Variants in DNAI4 observed in about 807,000 individuals in gnomAD.
DNAI4 encodes WD repeat domain 78.
In DNAI4, 85 loss-of-function variants were observed where a neutral mutation model predicts 105.8. The observed-to-expected ratio is 0.80, with a 90% CI of 0.67 to 0.96. The LOEUF is 0.96. Ranked by LOEUF, DNAI4 falls within the 40% of genes least tolerant of loss-of-function variation. The pLI, the probability that DNAI4 is intolerant of heterozygous loss-of-function variation, is 0.00. For synonymous variants in DNAI4, 352 were observed against 331.5 expected (o/e 1.06, Z -0.67); for missense variants, 1,014 against 1,005.6 (o/e 1.01, Z -0.11).
intron 12 of DNAI4, 113 bp downstream of exon 12, chr1:66,833,878 C>T (rs1459411091): frequency 1.4e-6 from 2 of 1,406,690 alleles, no homozygotes; most frequent in South Asian, 1.5e-5. Flanking sequence ...CCATGACCAA[C>T]CCAATTTTTT....
intron 1 of DNAI4, among the ~76,000 whole-genome samples, chr1:66,910,224 GAAC>G (rs1649555655): frequency 6.6e-6 from 1 of 151,544 alleles, no homozygotes; most frequent in African/African-American, 2.4e-5. Flanking sequence ...AACAAATATA[GAAC>G]AATAAGATAA....
intron 13 of DNAI4, among the ~76,000 whole-genome samples, chr1:66,832,421 C>T (rs112657157): frequency 1.2e-4 from 18 of 152,154 alleles, no homozygotes; most frequent in African/African-American, 3.6e-4. Flanking sequence ...AAACATGGAA[C>T]ACATGTTCTG....
At chr1:66,862,683 A>C (rs559403227) in intron 6 of DNAI4, among the ~76,000 whole-genome samples, 1 of 152,350 alleles carries the variant, frequency 6.6e-6, no homozygotes, top group South Asian at 2.1e-4. Flanking sequence ...ACCTCAAGAG[A>C]TCCTTAGTCA....
At position 66,837,698 on chromosome 1, in the gene DNAI4, T is replaced by C. The variant is rs1217489220; in HGVS notation, c.1581+12A>G. 6.2e-7 allele frequency: 1 copy of C among 1,603,594 alleles called. No individual in the cohort carries two copies. Among genetic ancestry groups the C allele is most frequent in the African/African-American group, 1.3e-5 (1 of 74,682 alleles). On this transcript the variant is annotated intron_variant, in intron 10 of 16. Transcript: ENST00000371026. Reference sequence around the variant, plus strand: ...GCCAGATAAAAATGCTTCTTATTCTTGTTTGGGTTACCATGGGATTCTTTA... The same window carrying C: ...GCCAGATAAAAATGCTTCTTATTCTCGTTTGGGTTACCATGGGATTCTTTA...
chr1:66,840,198 G>T (rs569001128), intron 9 of DNAI4, among the ~76,000 whole-genome samples: 3 of 152,180 alleles, frequency 2.0e-5, no homozygotes, highest in African/African-American at 7.2e-5. Context: ...TTCAGAGAAT[G>T]CCATGTCTCA....
chr1:66,826,811 G>A lies in DNAI4; in HGVS notation c.2339+9C>T, dbSNP rs1478942447. On this transcript the variant is annotated intron_variant, in intron 15 of 16. Coordinates refer to ENST00000371026, the MANE Select transcript of DNAI4 (RefSeq NM_024763.5). ...TACTAAAATTTATGCAAGAAAAATAGTAACTTACGTGCTGATATGAAGGTC... is the reference window on the plus strand; with the variant it reads ...TACTAAAATTTATGCAAGAAAAATAATAACTTACGTGCTGATATGAAGGTC... 6.2e-7 allele frequency: 1 copy of A among 1,610,064 alleles called. No homozygotes were observed.
intron 2 of DNAI4, among the ~76,000 whole-genome samples, chr1:66,901,125 TG>T (rs1333622561): frequency 1.3e-5 from 2 of 152,238 alleles, no homozygotes; most frequent in Non-Finnish European, 2.9e-5. Flanking sequence ...TCAATTTTGT[TG>T]ATCTTTTTAA....
chr1:66,921,657 C>T (rs1437856169), intron 1 of DNAI4, among the ~76,000 whole-genome samples: 2 of 152,102 alleles, frequency 1.3e-5, no homozygotes, highest in Non-Finnish European at 2.9e-5. Flanking sequence ...TTAATAAACT[C>T]AATTTAATTT....
chr1:66,872,682 TG>T (rs1362914799), intron 5 of DNAI4, among the ~76,000 whole-genome samples: 6 of 152,276 alleles, frequency 3.9e-5, no homozygotes, highest in African/African-American at 1.2e-4. Flanking sequence ...TATTTTTTAA[TG>T]AAATTACTTT....
intron 8 of DNAI4, 104 bp from the exon 9 acceptor site, chr1:66,840,775 T>G: frequency 1.7e-6 from 2 of 1,183,912 alleles, no homozygotes; most frequent in Non-Finnish European, 2.4e-6. Flanking sequence ...TCAAGCACCA[T>G]CAGATCTGCT....
intron 8 of DNAI4, 25 bp from the exon 9 acceptor site, chr1:66,840,696 T>C: frequency 6.2e-7 from 1 of 1,612,778 alleles, no homozygotes; most frequent in East Asian, 2.2e-5. Context: ...AATAAAAAGA[T>C]CATTGTCCTC....
At chr1:66,921,185 A>C (rs1650454095) in intron 1 of DNAI4, 1 of 152,216 alleles carries the variant, frequency 6.6e-6, no homozygotes, top group South Asian at 2.1e-4. Context: ...AAAACATTAA[A>C]TAAGAATCAA....
intron 7 of DNAI4, among the ~76,000 whole-genome samples, chr1:66,861,534 T>C (rs934500673): frequency 6.6e-6 from 1 of 152,216 alleles, no homozygotes; most frequent in Admixed American, 6.5e-5. Context: ...ATTTTAATTA[T>C]AACATTTCAT....
chr1:66,889,439 C>G (rs956209422), intron 4 of DNAI4, among the ~76,000 whole-genome samples: 3 of 152,030 alleles, frequency 2.0e-5, no homozygotes, highest in Non-Finnish European at 4.4e-5. Context: ...AATAGCAGAA[C>G]GGCCAATCCA....
rs1482985095 is a variant in DNAI4, at chr1:66,847,582, T to C, written c.1193A>G (p.Asp398Gly). ...AAAAAATAAGTCCTGATGAAATTTG[T>C]CAGATTTTAATATTGCATCTGAGTG... ...EDHSDAILKSDKFHQDLFFME... is the reference protein window; with the variant it reads ...EDHSDAILKSGKFHQDLFFME... Residue 398 changes from aspartate (D) to glycine (G), a missense_variant, in exon 8 of 17, where the codon GAC (aspartate) becomes GGC (glycine). Coordinates refer to ENST00000371026, the MANE Select transcript of DNAI4 (RefSeq NM_024763.5). The C allele has an allele frequency of 8.1e-6, 13 of 1,613,948 alleles. No homozygotes were observed. Among genetic ancestry groups the C allele is most frequent in the Non-Finnish European group, 1.1e-5 (13 of 1,179,986 alleles).
intron 7 of DNAI4, among the ~76,000 whole-genome samples, chr1:66,854,652 A>C (rs751116155): frequency 3.3e-5 from 5 of 151,946 alleles, no homozygotes; most frequent in African/African-American, 4.8e-5. Context: ...GAATACAAAA[A>C]TTAGCCAGGC....
rs1381492525 is a variant in DNAI4 at position 66,837,743 on chromosome 1, T to C, written c.1548A>G (p.Gly516=). ...GHFGFKEQKR[G]LACCWSIKNP... ...TCTTTATTGACCAGCAGCAAGCCAG[T>C]CCTCTTTTTTGCTCTTTAAATCCAA... Residue 516 remains glycine (G), a synonymous_variant, in exon 10 of 17, where the codon GGA becomes GGG. Coordinates refer to ENST00000371026, the MANE Select transcript of DNAI4 (RefSeq NM_024763.5). 1.2e-6 allele frequency: 2 copies of C among 1,610,182 alleles called. No homozygotes were observed. Among genetic ancestry groups the C allele is most frequent in the Non-Finnish European group, 1.7e-6 (2 of 1,178,642 alleles).
At chr1:66,880,672 A>T (rs1313361207) in intron 4 of DNAI4, among the ~76,000 whole-genome samples, 5 of 152,236 alleles carry the variant, frequency 3.3e-5, no homozygotes, top group Non-Finnish European at 7.3e-5. Context: ...AGCAGAGCAT[A>T]AAAGATTGGA....
intron 2 of DNAI4, among the ~76,000 whole-genome samples, chr1:66,900,034 T>G (rs1648674982): frequency 6.6e-6 from 1 of 152,216 alleles, no homozygotes; most frequent in Admixed American, 6.5e-5. Context: ...TTGGCTCTTC[T>G]GGGTCCTCTG....
Sources: gnomAD v4.1 joint callset for allele counts (sites outside exome capture counted in the v4.1 genomes callset) on GRCh38, gnomAD v4.1.1 for gene constraint, MANE v1.5 for transcripts, NCBI Gene and HGNC (gene_info 2026-07-23, HGNC 2026-07-21) for gene names.